TTC39C: variants seen among roughly 807,000 people sequenced by gnomAD.
TTC39C encodes the protein tetratricopeptide repeat domain 39C, also known as tetratricopeptide repeat protein 39C.
A neutral mutation model predicts 76.3 loss-of-function variants in TTC39C; 33 were observed. That is an observed-to-expected ratio of 0.43 (90% CI 0.33 to 0.58). The LOEUF is 0.58. TTC39C is among the 20% of genes least tolerant of loss of function. TTC39C has a pLI of 0.04. For synonymous variants in TTC39C, 254 were observed against 260.6 expected (o/e 0.97, Z 0.24); for missense variants, 595 against 701.4 (o/e 0.85, Z 1.71).
intron 4 of TTC39C, among the ~76,000 whole-genome samples, chr18:24,074,003 C>T (rs1685243): frequency 1.3e-5 from 2 of 152,222 alleles, no homozygotes; most frequent in African/African-American, 4.8e-5. Flanking sequence ...TGAGCATTTC[C>T]TATGTGCCCA....
intron 4 of TTC39C, among the ~76,000 whole-genome samples, chr18:24,070,376 G>A (rs568964074): frequency 1.0e-3 from 152 of 152,228 alleles, no homozygotes; most frequent in African/African-American, 3.3e-3. Flanking sequence ...TAGCTCATGT[G>A]AATTTTTTAT....
intron 7 of TTC39C, chr18:24,114,903 A>T: frequency 2.8e-6 from 1 of 352,270 alleles, no homozygotes. Flanking sequence ...ATGACCAGAA[A>T]TACCTTATTG....
At chr18:24,047,340 G>C (rs775050397) in intron 1 of TTC39C, among the ~76,000 whole-genome samples, 1 of 151,852 alleles carries the variant, frequency 6.6e-6, no homozygotes, top group African/African-American at 2.4e-5. Flanking sequence ...TGATCCACCC[G>C]CCTCAGCCTC....
At chr18:24,043,665 A>C (rs1006984173) in intron 1 of TTC39C, among the ~76,000 whole-genome samples, 3 of 152,104 alleles carry the variant, frequency 2.0e-5, no homozygotes, top group Non-Finnish European at 2.9e-5. Flanking sequence ...CCACATTCAG[A>C]GCTTTCACAC....
chr18:24,111,309 A>G (rs2084806427), intron 6 of TTC39C, among the ~76,000 whole-genome samples: 1 of 151,976 alleles, frequency 6.6e-6, no homozygotes, highest in Non-Finnish European at 1.5e-5. Flanking sequence ...AGTGGCTCAC[A>G]CCTGTAATCC....
At chr18:24,098,344 AC>A (rs1354886591) in intron 6 of TTC39C, among the ~76,000 whole-genome samples, 3 of 148,724 alleles carry the variant, frequency 2.0e-5, no homozygotes, top group Non-Finnish European at 3.0e-5. Flanking sequence ...ATTAAGGAAG[AC>A]CTAGAATTCA....
At chr18:24,121,131 A>G (rs2084962446) in intron 8 of TTC39C, 3 of 152,262 alleles carry the variant, frequency 2.0e-5, no homozygotes, top group Admixed American at 2.0e-4. Context: ...TATCAAAATT[A>G]TAAGTTACCA....
Position 24,082,984 on chromosome 18 carries a change from G to A in TTC39C, c.887G>A (p.Gly296Asp). The change falls in exon 6 of 14, where the codon GGC (glycine) becomes GAC (aspartate). Residue 296 changes from glycine to aspartate, a missense_variant. Physicochemically the swap from Gly to Asp is moderately conservative, Grantham distance 94. Transcript: ENST00000317571. ...FALDGSDNKA[G>D]LDEAKEILLK... is the part of the protein sequence containing the mutation. ...TTGGATGGCAGTGATAACAAGGCAGGCCTGGATGAAGCTAAGGAAATTCTC... is the reference window on the plus strand; with the variant it reads ...TTGGATGGCAGTGATAACAAGGCAGACCTGGATGAAGCTAAGGAAATTCTC... 1.2e-6 allele frequency: 2 copies of A among 1,614,132 alleles called. No homozygotes were observed. The highest frequency in any genetic ancestry group is 2.2e-5 in the South Asian group (2 of 91,082).
At chr18:24,064,838 G>A (rs1391408345) in intron 2 of TTC39C, among the ~76,000 whole-genome samples, 1 of 152,186 alleles carries the variant, frequency 6.6e-6, no homozygotes, top group Non-Finnish European at 1.5e-5. Context: ...GTCAGCAAAT[G>A]GGCATGCCAC....
chr18:24,037,592 TG>T (rs1568414003), intron 1 of TTC39C, among the ~76,000 whole-genome samples: 1 of 152,232 alleles, frequency 6.6e-6, no homozygotes, highest in East Asian at 1.9e-4. Flanking sequence ...CCAGGAGGGT[TG>T]GGTGAGACTC....
At chr18:24,118,001 AC>A in intron 7 of TTC39C, 123 bp from the exon 8 acceptor site, 2 of 645,958 alleles carry the variant, frequency 3.1e-6, no homozygotes, top group Non-Finnish European at 4.9e-6. Context: ...TTCAGGTTAA[AC>A]TTTTTTACGC....
chr18:24,020,545 C>G (rs945113863), intron 1 of TTC39C, among the ~76,000 whole-genome samples: 1 of 152,214 alleles, frequency 6.6e-6, no homozygotes, highest in Non-Finnish European at 1.5e-5. Context: ...ATACCAAAAT[C>G]TGTGGATGCT....
intron 6 of TTC39C, among the ~76,000 whole-genome samples, chr18:24,098,870 G>A (rs2084634994): frequency 6.6e-6 from 1 of 151,794 alleles, no homozygotes; most frequent in African/African-American, 2.4e-5. Context: ...GACCTCAAGT[G>A]ATCCTCCTGC....
chr18:24,081,148 G>A (rs74721740), intron 5 of TTC39C, among the ~76,000 whole-genome samples: 6,662 of 152,240 alleles, frequency 0.044, 304 homozygotes, highest in African/African-American at 0.12. Context: ...ACAAGGCGTT[G>A]TTCACTAGTC....
rs550053208 is a variant in TTC39C, at chr18:24,064,127, G to GTT, written c.168-7_168-6dup. 247 of 1,609,208 alleles carry GTT rather than the reference G, an allele frequency of 1.5e-4. No homozygotes were observed. The African/African-American group carries it at 3.0e-3, about 19-fold the overall frequency. ...AATTGTATTTTGTGTGTGTGTGTGT[G>GTT]TTTTTTTAACAGAAATCATAGCCCA... On this transcript the variant is annotated splice_polypyrimidine_tract_variant and intron_variant, in intron 1 of 13. Coordinates refer to ENST00000317571, the MANE Select transcript of TTC39C (RefSeq NM_001135993.2).
At chr18:24,130,230 T>G (rs1599355036) in intron 11 of TTC39C, 83 bp from the exon 12 acceptor site, 14 of 636,542 alleles carry the variant, frequency 2.2e-5, no homozygotes, top group Non-Finnish European at 1.6e-5. Context: ...GAGTCCCCCT[T>G]CCCGCCCCCT....
chr18:24,083,682 T>A (rs1036360102), intron 6 of TTC39C, among the ~76,000 whole-genome samples: 1 of 152,222 alleles, frequency 6.6e-6, no homozygotes, highest in Non-Finnish European at 1.5e-5. Context: ...TTCAAGCAAC[T>A]TCCTGTGCTT....
intron 4 of TTC39C, among the ~76,000 whole-genome samples, chr18:24,079,544 T>G (rs12957820): frequency 0.31 from 47,058 of 152,108 alleles, 7,379 homozygotes; most frequent in Admixed American, 0.35. Flanking sequence ...TACTGCTACT[T>G]CACTGTGGTT....
intron 6 of TTC39C, among the ~76,000 whole-genome samples, chr18:24,086,043 TG>T (rs1568432150): frequency 1.3e-5 from 2 of 152,216 alleles, no homozygotes; most frequent in Non-Finnish European, 2.9e-5. Context: ...TGCCAAAGGC[TG>T]TTTGTAAGGC....
Sources: gnomAD v4.1 joint callset for allele counts (sites outside exome capture counted in the v4.1 genomes callset) on GRCh38, gnomAD v4.1.1 for gene constraint, MANE v1.5 for transcripts, NCBI Gene and HGNC (gene_info 2026-07-23, HGNC 2026-07-21) for gene names.